The following ERO1B variants were observed in gnomAD, a reference collection of about 807,000 sequenced individuals.
The protein encoded by ERO1B is ERO1-like protein beta.
In ERO1B, 49 loss-of-function variants were observed where a neutral mutation model predicts 75.3. The observed-to-expected ratio is 0.65, with a 90% CI of 0.52 to 0.83. ERO1B has a LOEUF of 0.83. ERO1B is among the 40% of genes least tolerant of loss of function. The probability of loss-of-function intolerance (pLI) is 0.00; values close to 1 mark genes in which losing one functional copy is unlikely to be tolerated. For synonymous variants in ERO1B, 191 were observed against 192.9 expected (o/e 0.99, Z 0.08); for missense variants, 512 against 560.1 (o/e 0.91, Z 0.87).
chr1:236,250,598 T>TAC (rs1558515490), intron 4 of ERO1B, among the ~76,000 whole-genome samples: 1,224 of 62,534 alleles, frequency 0.02, 49 homozygotes, highest in Non-Finnish European at 0.027. Flanking sequence ...TATATATATA[T>TAC]ATATATATAT....
Position 236,249,918 on chromosome 1 carries a change from G to T in ERO1B, c.398C>A (p.Ala133Asp). 6.2e-7 allele frequency: 1 copy of T among 1,601,534 alleles called. No individual in the cohort carries two copies. The highest frequency in any genetic ancestry group is 8.5e-7 in the Non-Finnish European group (1 of 1,175,064). The change falls in exon 5 of 16, where the codon GCT becomes GAT. Residue 133 changes from alanine to aspartate, a missense_variant. Coordinates refer to ENST00000354619, the MANE Select transcript of ERO1B (RefSeq NM_019891.4). ...NTKELEDCEQ[A>D]NKLGAINSTL... Reference sequence around the variant, plus strand: ...GCTGTTAATTGCTCCCAGTTTATTAGCTTGCTCACAATCTTCTAATTCTTT... The same window carrying T: ...GCTGTTAATTGCTCCCAGTTTATTATCTTGCTCACAATCTTCTAATTCTTT...
At chr1:236,251,447 A>G in intron 4 of ERO1B, 3 of 971,196 alleles carry the variant, frequency 3.1e-6, no homozygotes, top group Non-Finnish European at 2.4e-6. Flanking sequence ...AAATAAATAC[A>G]ATAAAGTAAA....
intron 2 of ERO1B, among the ~76,000 whole-genome samples, chr1:236,257,834 T>G (rs1159444910): frequency 7.0e-6 from 1 of 142,966 alleles, no homozygotes; most frequent in African/African-American, 2.6e-5. Context: ...GAAGAAAGGA[T>G]TAGCAAACTT....
chr1:236,218,953 G>C (rs1231084457), intron 15 of ERO1B, among the ~76,000 whole-genome samples: 2 of 151,878 alleles, frequency 1.3e-5, no homozygotes, highest in African/African-American at 4.8e-5. Flanking sequence ...CTCCCTAAGG[G>C]TAAAGACTCT....
At chr1:236,222,984 C>A (rs1320820496) in intron 13 of ERO1B, among the ~76,000 whole-genome samples, 1 of 152,052 alleles carries the variant, frequency 6.6e-6, no homozygotes, top group African/African-American at 2.4e-5. Flanking sequence ...GGTGTGATCA[C>A]TTGAGGTCAT....
chr1:236,230,245 A>G lies in ERO1B; in HGVS notation c.691T>C (p.Ser231Pro). 1.9e-6 allele frequency: 3 copies of G among 1,593,968 alleles called. No homozygotes were observed. The highest frequency in any genetic ancestry group is 1.1e-5 in the South Asian group (1 of 89,992). ...APSRGEDDGE[S>P]FYTWLEGLCL... is the part of the protein sequence containing the mutation. ...TTACCTTCTAGCCATGTGTAGAATG[A>G]TTCTCCTGAGAGAGAGAGAAAAGTG... Residue 231 changes from serine (S) to proline (P), a missense_variant, in exon 10 of 16, where the codon TCA (serine) becomes CCA (proline). By Grantham distance (74) the Ser-to-Pro change is moderately conservative (BLOSUM62 -1). Coordinates refer to ENST00000354619, the MANE Select transcript of ERO1B (RefSeq NM_019891.4).
At chr1:236,228,085 C>CCT (rs773943231) in intron 10 of ERO1B, among the ~76,000 whole-genome samples, 1 of 152,070 alleles carries the variant, frequency 6.6e-6, no homozygotes, top group Non-Finnish European at 1.5e-5. Flanking sequence ...TTCTTCCCAA[C>CCT]CTCTCTCTCT....
Position 236,226,426 on chromosome 1 carries a change from T to C in ERO1B, c.895A>G (p.Arg299Gly), listed in dbSNP as rs1024253712. 3 of 1,614,174 alleles carry C rather than the reference T, an allele frequency of 1.9e-6. No individual in the cohort carries two copies. The highest frequency in any genetic ancestry group is 2.5e-6 in the Non-Finnish European group (3 of 1,180,018). ...PVETKGEGPR[R>G]LKNLYFLYLI... ...TATAAAAAGTAAAGATTCTTGAGCC[T>C]TCTTGGACCTTCTCCCTTGGTTTCC... Residue 299 changes from arginine to glycine, a missense_variant, in exon 12 of 16, where the codon AGG becomes GGG. Physicochemically the swap from Arg to Gly is moderately radical, Grantham distance 125 (BLOSUM62 -2). Transcript: ENST00000354619.
At chr1:236,237,142 C>T (rs28436875) in intron 6 of ERO1B, among the ~76,000 whole-genome samples, 9,658 of 110,080 alleles carry the variant, frequency 0.088, 713 homozygotes, top group East Asian at 0.46. Flanking sequence ...TTTTTTGAGA[C>T]GGAGTCTCAC....
At chr1:236,251,531 G>A in intron 4 of ERO1B, 1 of 898,678 alleles carries the variant, frequency 1.1e-6, no homozygotes, top group Non-Finnish European at 1.3e-6. Context: ...GAGAGAGAGG[G>A]TATGATGATC....
chr1:236,225,700 AGAG>A (rs1664261011), intron 12 of ERO1B, among the ~76,000 whole-genome samples: 1 of 152,204 alleles, frequency 6.6e-6, no homozygotes, highest in Non-Finnish European at 1.5e-5. Flanking sequence ...TTTGGGAGGC[AGAG>A]GAGGGTGCAT....
intron 1 of ERO1B, among the ~76,000 whole-genome samples, chr1:236,274,246 A>C (rs1665662608): frequency 6.6e-6 from 1 of 152,134 alleles, no homozygotes; most frequent in Admixed American, 6.5e-5. Flanking sequence ...AGCCTCTCAA[A>C]GTGCTGGGAT....
In ERO1B at chr1:236,216,120, A is replaced by T. The variant is rs1419691793; in HGVS notation, c.*2396T>A. On this transcript the variant is annotated 3_prime_UTR_variant, in exon 16 of 16. Transcript: ENST00000354619. ...AACTTACATAGATGCCACTTAAGTA[A>T]AAAATAAACTTACGCCATTGAAGGA... is the stretch of plus-strand genomic sequence containing the variant. 1 of 152,162 alleles carries T rather than the reference A, an allele frequency of 6.6e-6. No individual in the cohort carries two copies. Among genetic ancestry groups the T allele is most frequent in the African/African-American group, 2.4e-5 (1 of 41,454 alleles). 9.4% of individuals were successfully genotyped at this position (152,162 alleles called of 1,614,324 possible).
At chr1:236,263,778 C>CTTTTTTTTTTTTTTTTTTATTTTTTTTT in intron 2 of ERO1B, among the ~76,000 whole-genome samples, 1 of 80,296 alleles carries the variant, frequency 1.2e-5, no homozygotes, top group Non-Finnish European at 2.5e-5. Context: ...ATTTTGTTTG[C>CTTTTTTTTTTTTTTTTTTATTTTTTTTT]TTTTTTTTTT....
At chr1:236,255,094 TTTTC>T (rs1229675494) in intron 2 of ERO1B, among the ~76,000 whole-genome samples, 8 of 138,242 alleles carry the variant, frequency 5.8e-5, no homozygotes, top group African/African-American at 1.8e-4. Context: ...CTAATTTTTT[TTTTC>T]TTTCTTTTTT....
At chr1:236,257,154 T>C (rs1349650673) in intron 2 of ERO1B, among the ~76,000 whole-genome samples, 1 of 152,194 alleles carries the variant, frequency 6.6e-6, no homozygotes, top group Non-Finnish European at 1.5e-5. Context: ...TGGAGGCCAC[T>C]AAGAACAGAG....
At chr1:236,261,540 T>C (rs1203890769) in intron 2 of ERO1B, among the ~76,000 whole-genome samples, 2 of 152,102 alleles carry the variant, frequency 1.3e-5, no homozygotes, top group African/African-American at 4.8e-5. Flanking sequence ...TGAGAGATCA[T>C]ATTTACAGTA....
At chr1:236,232,571 T>C (rs1248549809) in intron 9 of ERO1B, among the ~76,000 whole-genome samples, 2 of 151,864 alleles carry the variant, frequency 1.3e-5, no homozygotes, top group Non-Finnish European at 2.9e-5. Flanking sequence ...AATTATATAA[T>C]AACCAGAAAA....
intron 6 of ERO1B, among the ~76,000 whole-genome samples, chr1:236,240,353 G>C (rs992806486): frequency 3.9e-5 from 6 of 152,040 alleles, no homozygotes; most frequent in African/African-American, 1.4e-4. Flanking sequence ...GTAGCATACA[G>C]AACAACTTAG....
Sources: allele counts gnomAD v4.1 joint callset (sites outside exome capture counted in the v4.1 genomes callset), GRCh38; gene constraint gnomAD v4.1.1; transcripts MANE v1.5; gene names NCBI Gene and HGNC (gene_info 2026-07-23, HGNC 2026-07-21).